NKD1: variants seen among roughly 807,000 people sequenced by gnomAD.
The protein encoded by NKD1 is protein naked cuticle homolog 1.
In NKD1, 21 loss-of-function variants were observed where a neutral mutation model predicts 56.0. The ratio of observed to expected loss-of-function variants is 0.38; its 90% CI spans 0.27 to 0.54. The LOEUF (loss-of-function observed/expected upper bound fraction) is 0.54, where lower values mean the gene tolerates loss of function less well. Ranked by LOEUF, NKD1 falls within the 20% of genes least tolerant of loss-of-function variation. NKD1 has a pLI of 0.82. For missense variants in NKD1, 578 were observed against 642.7 expected, an observed-to-expected ratio of 0.90 and a Z score of 1.09; for synonymous variants, 263 against 265.7, an observed-to-expected ratio of 0.99 and a Z score of 0.10.
chr16:50,625,612 A>T, intron 6 of NKD1, 32 bp downstream of exon 6: 1 of 1,400,600 alleles, frequency 7.1e-7, no homozygotes, highest in Non-Finnish European at 1.0e-6. Flanking sequence ...CTTGCCGTGT[A>T]TCATACCCGC....
chr16:50,590,553 C>T (rs1029326058), intron 3 of NKD1, among the ~76,000 whole-genome samples: 1 of 152,172 alleles, frequency 6.6e-6, no homozygotes, highest in Admixed American at 6.5e-5. Context: ...TATTGTTTTC[C>T]AAGCGCTTTA....
At chr16:50,570,363 A>C (rs1430019341) in intron 3 of NKD1, among the ~76,000 whole-genome samples, 1 of 152,214 alleles carries the variant, frequency 6.6e-6, no homozygotes, top group Non-Finnish European at 1.5e-5. Flanking sequence ...ACACAGATAT[A>C]CATCCAGTAT....
intron 3 of NKD1, chr16:50,562,258 A>G (rs1481611927): frequency 3.1e-6 from 3 of 974,066 alleles, no homozygotes; most frequent in East Asian, 2.3e-4. Context: ...TTCATAGGCC[A>G]TGGTCCTGTT....
chr16:50,590,776 A>G (rs1961348967), intron 3 of NKD1, among the ~76,000 whole-genome samples: 1 of 152,230 alleles, frequency 6.6e-6, no homozygotes, highest in Admixed American at 6.5e-5. Flanking sequence ...TTGCTCCTTT[A>G]CTGCCATTAT....
At chr16:50,552,954 TAGG>T (rs1170161236) in intron 3 of NKD1, among the ~76,000 whole-genome samples, 1 of 152,094 alleles carries the variant, frequency 6.6e-6, no homozygotes, top group Non-Finnish European at 1.5e-5. Flanking sequence ...TATGGACTCA[TAGG>T]AGAAAAGGAA....
intron 3 of NKD1, among the ~76,000 whole-genome samples, chr16:50,568,278 C>T (rs770203158): frequency 9.9e-5 from 15 of 152,130 alleles, no homozygotes; most frequent in Admixed American, 2.6e-4. Context: ...AGGGAAGAGA[C>T]GTGGTTAGCA....
At chr16:50,603,786 G>A in intron 3 of NKD1, among the ~76,000 whole-genome samples, 1 of 152,238 alleles carries the variant, frequency 6.6e-6, no homozygotes, top group South Asian at 2.1e-4. Context: ...TGGATTCTGG[G>A]CTCTGGACTG....
intron 3 of NKD1, among the ~76,000 whole-genome samples, chr16:50,579,178 T>C (rs559234681): frequency 7.4e-5 from 11 of 149,620 alleles, no homozygotes; most frequent in Admixed American, 6.0e-4. Context: ...ACATGCACTG[T>C]CTTACTCCTG....
At chr16:50,621,078 G>C (rs1962075498) in intron 4 of NKD1, among the ~76,000 whole-genome samples, 1 of 152,264 alleles carries the variant, frequency 6.6e-6, no homozygotes, top group African/African-American at 2.4e-5. Context: ...CATGTATGTG[G>C]ACGGTGCATG....
In NKD1 at chr16:50,598,261, G is replaced by GTA. The variant is rs1961517840; in HGVS notation, c.193-10032_193-10031insAT. Among the ~76,000 whole-genome samples the GTA allele has an allele frequency of 1.3e-5, 2 of 150,448 alleles. No individual in the cohort carries two copies. The highest frequency in any genetic ancestry group is 2.9e-5 in the Non-Finnish European group (2 of 67,810). On this transcript the variant is annotated intron_variant, in intron 3 of 9. Coordinates refer to ENST00000268459, the MANE Select transcript of NKD1 (RefSeq NM_033119.5). This position sits in a 1 kb window ranked among gnomAD's most constrained non-coding sequence, Gnocchi z 4.2. The stretch of plus-strand genomic sequence containing the variant: ...TGTGTGTGTGTGTGTGTGTGTGTGT[G>GTA]TGCGCGCACACCTGTGCTCATGGAC...
intron 3 of NKD1, among the ~76,000 whole-genome samples, chr16:50,592,663 G>A (rs1961393894): frequency 6.6e-6 from 1 of 152,172 alleles, no homozygotes; most frequent in South Asian, 2.1e-4. Flanking sequence ...TGCAGAGTGG[G>A]GCCCGCACAG....
Position 50,639,372 on chromosome 16 carries a change from T to A in NKD1, c.*5591T>A, listed in dbSNP as rs1254908959. The A allele has an allele frequency of 3.9e-5, 6 of 152,114 alleles. No individual in the cohort carries two copies. In the East Asian group the frequency reaches 1.2e-3, roughly 29 times the overall value. 9.4% of individuals were successfully genotyped at this position (152,114 alleles called of 1,614,324 possible). A position where few individuals can be genotyped will look rare whatever the true frequency, so the allele number is the denominator to read the frequency against. On this transcript the variant is annotated 3_prime_UTR_variant, in exon 10 of 10. Coordinates refer to ENST00000268459, the MANE Select transcript of NKD1 (RefSeq NM_033119.5). ...CAGGGGTGAAGTGCAGGGATCAGTG[T>A]TTTTCACAAGCTCCATACCTCCAGG...
intron 3 of NKD1, among the ~76,000 whole-genome samples, chr16:50,573,468 G>C (rs1364223718): frequency 6.6e-6 from 1 of 152,218 alleles, no homozygotes; most frequent in East Asian, 1.9e-4. Context: ...GTGTGAAGCC[G>C]GGTGCTGCGG....
chr16:50,576,321 C>G (rs1960993045), intron 3 of NKD1, among the ~76,000 whole-genome samples: 1 of 152,150 alleles, frequency 6.6e-6, no homozygotes, highest in Admixed American at 6.5e-5. Context: ...TGAAGACATT[C>G]AGTCACTCCC....
intron 4 of NKD1, among the ~76,000 whole-genome samples, chr16:50,618,190 G>A (rs752947692): frequency 6.6e-6 from 1 of 152,076 alleles, no homozygotes; most frequent in Non-Finnish European, 1.5e-5. Context: ...CAAATGAGCA[G>A]TGTCTCCTAT....
At chr16:50,577,707 G>A (rs1961021632) in intron 3 of NKD1, among the ~76,000 whole-genome samples, 1 of 152,144 alleles carries the variant, frequency 6.6e-6, no homozygotes, top group Non-Finnish European at 1.5e-5. Context: ...GTTCCACTCT[G>A]CTTCTTTGAG....
chr16:50,619,724 G>A (rs1157881395), intron 4 of NKD1, among the ~76,000 whole-genome samples: 1 of 152,180 alleles, frequency 6.6e-6, no homozygotes, highest in East Asian at 1.9e-4. Context: ...GAATCCTCTG[G>A]GGAAGGGGTT....
intron 5 of NKD1, among the ~76,000 whole-genome samples, chr16:50,624,358 A>G (rs2151279478): frequency 6.6e-6 from 1 of 152,328 alleles, no homozygotes; most frequent in East Asian, 1.9e-4. Flanking sequence ...CCCTGGGGTC[A>G]GACACTTCAG....
Position 50,635,770 on chromosome 16 carries a change from C to A in NKD1, c.*1989C>A, listed in dbSNP as rs1046973959. 1.7e-4 allele frequency: 26 copies of A among 152,248 alleles called. No individual in the cohort carries two copies. Among genetic ancestry groups the A allele is most frequent in the African/African-American group, 6.3e-4 (26 of 41,454 alleles). 9.4% of individuals were successfully genotyped at this position (152,248 alleles called of 1,614,324 possible). On this transcript the variant is annotated 3_prime_UTR_variant, in exon 10 of 10. Transcript: ENST00000268459. This position sits in a 1 kb window ranked among gnomAD's most constrained non-coding sequence, Gnocchi z 4.1. Reference sequence around the variant, plus strand: ...TCTGGTCTCCCACTCGATCCCTTCGCCACTGGTGCAGAGCTTAATCACGGC... The same window carrying A: ...TCTGGTCTCCCACTCGATCCCTTCGACACTGGTGCAGAGCTTAATCACGGC...
Sources: gnomAD v4.1 joint callset for allele counts (sites outside exome capture counted in the v4.1 genomes callset) on GRCh38, gnomAD v4.1.1 for gene constraint, Gnocchi (gnomAD v3.1) non-coding constraint, MANE v1.5 for transcripts, NCBI Gene and HGNC (gene_info 2026-07-23, HGNC 2026-07-21) for gene names.